Variants in DOCK1 observed in about 807,000 individuals in gnomAD.
DOCK1 encodes the protein dedicator of cytokinesis protein 1.
In DOCK1, 138 loss-of-function variants were observed where a neutral mutation model predicts 262.7. The ratio of observed to expected loss-of-function variants is 0.53; its 90% CI spans 0.46 to 0.61. The LOEUF is 0.61. Ranked by LOEUF, DOCK1 falls within the 20% of genes least tolerant of loss-of-function variation. DOCK1 has a pLI of 0.00. For synonymous variants in DOCK1, 866 were observed against 867.4 expected, an observed-to-expected ratio of 1.00 and a Z score of 0.03; for missense variants, 1,908 against 2,370.7, an observed-to-expected ratio of 0.80 and a Z score of 4.05.
intron 1 of DOCK1, among the ~76,000 whole-genome samples, chr10:126,911,905 G>A (rs1364524461): frequency 4.6e-5 from 7 of 152,220 alleles, no homozygotes; most frequent in Non-Finnish European, 1.0e-4. Context: ...AAATCACAGT[G>A]TGGAATTTGT....
chr10:126,964,469 C>T (rs1001996081), intron 1 of DOCK1, among the ~76,000 whole-genome samples: 2 of 152,210 alleles, frequency 1.3e-5, no homozygotes, highest in Admixed American at 1.3e-4. Context: ...CAGGGAGGGC[C>T]CTGGCATTGG....
rs775834251 is a variant in DOCK1 at position 126,987,554 on chromosome 10, C to G, written c.261C>G (p.Pro87=). ...AAACAGTCATCCCGGGTGACCTCCC[C>G]CTCATCCAGGAAGTCACCACGACAC... ...QHETVIPGDL[P]LIQEVTTTLR... Residue 87 remains proline, a synonymous_variant, in exon 5 of 52, where the codon CCC becomes CCG. Transcript: ENST00000623213. The G allele has an allele frequency of 7.0e-6, 11 of 1,581,668 alleles. No individual in the cohort carries two copies. In the South Asian group the frequency reaches 1.3e-4, roughly 18 times the overall value.
At chr10:127,186,504 A>AAC (rs2056247683) in intron 27 of DOCK1, among the ~76,000 whole-genome samples, 1 of 9,000 alleles carries the variant, frequency 1.1e-4, no homozygotes, top group African/African-American at 3.5e-4. Context: ...CATGGGAGAA[A>AAC]CCGCCCCCCC....
At chr10:127,442,376 C>T (rs1206074601) in intron 49 of DOCK1, among the ~76,000 whole-genome samples, 1 of 152,198 alleles carries the variant, frequency 6.6e-6, no homozygotes, top group Admixed American at 6.5e-5. Context: ...GCTGCCCACT[C>T]ACCTGCCTGC....
At position 127,000,315 on chromosome 10, in the gene DOCK1, A is replaced by C; in HGVS notation, c.985+8A>C. The C allele has an allele frequency of 1.2e-6, 2 of 1,613,190 alleles. No individual in the cohort carries two copies. Among genetic ancestry groups the C allele is most frequent in the Middle Eastern group, 1.7e-4 (1 of 6,058 alleles). The stretch of plus-strand genomic sequence containing the variant: ...GACCTTTTGGAGTGGCTGGTAATCT[A>C]TTTCTCTGTGTTTCCTTGAGAGTTT... On this transcript the variant is annotated splice_region_variant and intron_variant, in intron 10 of 51. Coordinates refer to ENST00000623213, the MANE Select transcript of DOCK1 (RefSeq NM_001290223.2).
intron 28 of DOCK1, 140 bp from the exon 29 acceptor site, chr10:127,257,195 A>G (rs1001769289): frequency 1.3e-5 from 9 of 683,388 alleles, no homozygotes; most frequent in African/African-American, 7.2e-5. Flanking sequence ...CACAGCTCCT[A>G]TGAAATATAT....
At chr10:127,092,894 C>T (rs937775266) in intron 23 of DOCK1, among the ~76,000 whole-genome samples, 4 of 152,174 alleles carry the variant, frequency 2.6e-5, no homozygotes, top group African/African-American at 9.7e-5. Context: ...TTAAGTGTCT[C>T]ATGGGGTGGG....
chr10:127,269,085 G>A (rs564814085), intron 29 of DOCK1, among the ~76,000 whole-genome samples: 1 of 152,266 alleles, frequency 6.6e-6, no homozygotes, highest in East Asian at 1.9e-4. Context: ...CCACTTATGA[G>A]CTTTGTAAAT....
At chr10:127,363,449 AC>A (rs1407314104) in intron 33 of DOCK1, among the ~76,000 whole-genome samples, 1 of 152,180 alleles carries the variant, frequency 6.6e-6, no homozygotes, top group Non-Finnish European at 1.5e-5. Context: ...CGCCTAGGTG[AC>A]AGAGCCAGAC....
chr10:127,360,078 G>A (rs745613577), intron 32 of DOCK1, among the ~76,000 whole-genome samples: 4 of 152,158 alleles, frequency 2.6e-5, no homozygotes, highest in Non-Finnish European at 5.9e-5. Flanking sequence ...CTTTTTGATA[G>A]GACCTGCCTC....
chr10:127,032,429 C>T, intron 18 of DOCK1, 109 bp downstream of exon 18: 1 of 1,162,382 alleles, frequency 8.6e-7, no homozygotes, highest in East Asian at 2.8e-5. Flanking sequence ...TGAACGTCAC[C>T]CATAAGGCAT....
chr10:127,351,482 T>G (rs1302288479), intron 31 of DOCK1, among the ~76,000 whole-genome samples: 2 of 152,202 alleles, frequency 1.3e-5, no homozygotes, highest in Non-Finnish European at 2.9e-5. Flanking sequence ...GGAAAGTCCC[T>G]GTCCTGGGGG....
chr10:126,956,957 G>A (rs2036788987), intron 1 of DOCK1, among the ~76,000 whole-genome samples: 1 of 152,144 alleles, frequency 6.6e-6, no homozygotes, highest in South Asian at 2.1e-4. Context: ...AGCCCACAGG[G>A]AGGAGGCAAA....
chr10:126,939,794 G>A (rs2034851785), intron 1 of DOCK1, among the ~76,000 whole-genome samples: 1 of 152,212 alleles, frequency 6.6e-6, no homozygotes, highest in South Asian at 2.1e-4. Context: ...GGATGCTTTG[G>A]TTTGGTGTTT....
chr10:127,091,513 C>A (rs1170428913), intron 23 of DOCK1, among the ~76,000 whole-genome samples: 1 of 152,052 alleles, frequency 6.6e-6, no homozygotes, highest in Admixed American at 6.5e-5. Flanking sequence ...TTCACGTTTT[C>A]AGATCTCTGA....
At chr10:127,309,574 T>G (rs1426258202) in intron 29 of DOCK1, among the ~76,000 whole-genome samples, 1 of 152,172 alleles carries the variant, frequency 6.6e-6, no homozygotes, top group Non-Finnish European at 1.5e-5. Context: ...TCATTTTGGG[T>G]TTTACATGTA....
At chr10:127,201,385 G>T (rs1434705999) in intron 27 of DOCK1, among the ~76,000 whole-genome samples, 1 of 152,232 alleles carries the variant, frequency 6.6e-6, no homozygotes, top group African/African-American at 2.4e-5. Context: ...GCTGGTCCAT[G>T]TTCCAGGGCC....
chr10:127,255,911 T>A (rs923460240), intron 28 of DOCK1, among the ~76,000 whole-genome samples: 1 of 152,188 alleles, frequency 6.6e-6, no homozygotes, highest in East Asian at 1.9e-4. Context: ...GGAAACTCAG[T>A]AGTGAAATAT....
At position 126,990,445 on chromosome 10, in the gene DOCK1, C is replaced by T. The variant is rs773960160; in HGVS notation, c.325-10C>T. 2.5e-4 allele frequency: 394 copies of T among 1,594,188 alleles called. No homozygotes were observed. The highest frequency in any genetic ancestry group is 3.2e-4 in the Non-Finnish European group (373 of 1,169,668). On this transcript the variant is annotated splice_polypyrimidine_tract_variant and intron_variant, in intron 5 of 51. Coordinates refer to ENST00000623213, the MANE Select transcript of DOCK1 (RefSeq NM_001290223.2). ...ACAAAATCTTTCTGATTGGGTTTTT[C>T]CCCGTATAGCAAGATAACAGGGAGA... is the stretch of plus-strand genomic sequence containing the variant.
Sources: allele counts gnomAD v4.1 joint callset (sites outside exome capture counted in the v4.1 genomes callset), GRCh38; gene constraint gnomAD v4.1.1; transcripts MANE v1.5; gene names NCBI Gene and HGNC (gene_info 2026-07-23, HGNC 2026-07-21).